The following KCND2 variants were observed in gnomAD, a reference collection of about 807,000 sequenced individuals.
KCND2 encodes the protein potassium voltage-gated channel subfamily D member 2.
In KCND2, 16 loss-of-function variants were observed where a neutral mutation model predicts 54.4. That is an observed-to-expected ratio of 0.29 (90% CI 0.20 to 0.45). KCND2 has a LOEUF of 0.45. KCND2 is among the 20% of genes least tolerant of loss of function. The probability of loss-of-function intolerance (pLI) is 1.00; values close to 1 mark genes in which losing one functional copy is unlikely to be tolerated. For missense variants in KCND2, 486 were observed against 824.2 expected, an observed-to-expected ratio of 0.59 and a Z score of 5.02; for synonymous variants, 317 against 310.7, an observed-to-expected ratio of 1.02 and a Z score of -0.21.
At chr7:120,441,286 G>A (rs956460491) in intron 1 of KCND2, among the ~76,000 whole-genome samples, 1 of 152,018 alleles carries the variant, frequency 6.6e-6, no homozygotes, top group African/African-American at 2.4e-5. Context: ...AGTAAAACAA[G>A]CCTATAGGTT....
Position 120,274,829 on chromosome 7 carries a change from T to C in KCND2, c.197T>C (p.Leu66Pro). The C allele has an allele frequency of 6.2e-7, 1 of 1,614,142 alleles. No homozygotes were observed. Among genetic ancestry groups the C allele is most frequent in the Non-Finnish European group, 8.5e-7 (1 of 1,180,012 alleles). Residue 66 changes from leucine to proline, a missense_variant, in exon 1 of 6, where the codon CTA becomes CCA. This residue lies in a region of KCND2 where 231 missense variants were observed against 386.0 expected (regional missense o/e 0.60). Transcript: ENST00000331113. ...ACCCTGGAACGTTACCCAGACACTC[T>C]ACTGGGCAGTTCTGAGAGGGACTTT... ...QDTLERYPDT[L>P]LGSSERDFFY...
At chr7:120,378,499 T>G (rs909815921) in intron 1 of KCND2, among the ~76,000 whole-genome samples, 7 of 152,002 alleles carry the variant, frequency 4.6e-5, no homozygotes, top group African/African-American at 1.4e-4. Flanking sequence ...GTGGCCGCTG[T>G]ATTTTCCCCA....
intron 1 of KCND2, among the ~76,000 whole-genome samples, chr7:120,339,596 A>G (rs982863715): frequency 2.0e-5 from 3 of 151,882 alleles, no homozygotes; most frequent in Admixed American, 1.3e-4. Context: ...ATGCTTCACT[A>G]TTTTATATAG....
intron 1 of KCND2, among the ~76,000 whole-genome samples, chr7:120,469,746 A>G (rs1802427306): frequency 1.3e-5 from 2 of 152,132 alleles, no homozygotes; most frequent in South Asian, 2.1e-4. Flanking sequence ...TGTTAGACCA[A>G]TTGTGAGTGT....
chr7:120,653,472 T>G (rs1292996640), intron 1 of KCND2, among the ~76,000 whole-genome samples: 1 of 152,188 alleles, frequency 6.6e-6, no homozygotes, highest in African/African-American at 2.4e-5. Flanking sequence ...GGATTGGACC[T>G]GAGAGATGGC....
intron 1 of KCND2, among the ~76,000 whole-genome samples, chr7:120,686,009 C>A (rs1792196498): frequency 6.6e-6 from 1 of 152,126 alleles, no homozygotes; most frequent in Admixed American, 6.6e-5. Context: ...CACATGCCTA[C>A]ACTAAACAGA....
Position 120,747,871 on chromosome 7 carries a change from A to T in KCND2, c.*13A>T. The T allele has an allele frequency of 6.3e-7, 1 of 1,599,240 alleles. No homozygotes were observed. The highest frequency in any genetic ancestry group is 1.7e-4 in the Middle Eastern group (1 of 6,028). ...TTCTGCTTTGTAAGACAATTGGAAT[A>T]AGGTCTAAGAGAATTCGAGCCCTGG... On this transcript the variant is annotated 3_prime_UTR_variant, in exon 6 of 6. Transcript: ENST00000331113.
chr7:120,477,009 G>A (rs1802543089), intron 1 of KCND2, among the ~76,000 whole-genome samples: 1 of 152,142 alleles, frequency 6.6e-6, no homozygotes, highest in African/African-American at 2.4e-5. Flanking sequence ...TAGTTGGATT[G>A]TTCTGCAACA....
intron 1 of KCND2, among the ~76,000 whole-genome samples, chr7:120,633,337 G>A (rs1388634918): frequency 6.6e-6 from 1 of 152,042 alleles, no homozygotes; most frequent in Non-Finnish European, 1.5e-5. Flanking sequence ...CTTTACCAAT[G>A]GAGAGAAAAA....
intron 1 of KCND2, among the ~76,000 whole-genome samples, chr7:120,435,711 T>C (rs988257157): frequency 6.6e-6 from 1 of 151,320 alleles, no homozygotes; most frequent in Non-Finnish European, 1.5e-5. Flanking sequence ...CCATAATATC[T>C]TCTGGCATGT....
intron 1 of KCND2, among the ~76,000 whole-genome samples, chr7:120,391,802 G>A (rs1377065605): frequency 6.6e-6 from 1 of 152,038 alleles, no homozygotes; most frequent in East Asian, 1.9e-4. Context: ...GTTTTTTGCA[G>A]ATTCTGGATA....
chr7:120,434,990 T>A (rs1400340879), intron 1 of KCND2, among the ~76,000 whole-genome samples: 1 of 152,134 alleles, frequency 6.6e-6, no homozygotes, highest in Non-Finnish European at 1.5e-5. Flanking sequence ...AATGGTATAT[T>A]TTCATGGTAG....
intron 4 of KCND2, among the ~76,000 whole-genome samples, chr7:120,745,241 G>C (rs1354170653): frequency 6.6e-6 from 1 of 152,154 alleles, no homozygotes; most frequent in African/African-American, 2.4e-5. Context: ...GGCATTTTTA[G>C]AGGAACATAT....
intron 1 of KCND2, among the ~76,000 whole-genome samples, chr7:120,725,083 C>T (rs1792716470): frequency 6.6e-6 from 1 of 151,958 alleles, no homozygotes; most frequent in Non-Finnish European, 1.5e-5. Flanking sequence ...AAATAGGAAA[C>T]AGGAAAGAAT....
chr7:120,290,773 T>G (rs1210211484), intron 1 of KCND2, among the ~76,000 whole-genome samples: 2 of 152,122 alleles, frequency 1.3e-5, no homozygotes, highest in East Asian at 3.9e-4. Flanking sequence ...CCAACTTTAT[T>G]AAAATTTGGA....
At chr7:120,578,921 C>CACACACAG (rs1449053440) in intron 1 of KCND2, among the ~76,000 whole-genome samples, 3 of 151,240 alleles carry the variant, frequency 2.0e-5, no homozygotes, top group African/African-American at 7.3e-5. Flanking sequence ...CTGTCTCACA[C>CACACACAG]ACACACACAC....
At position 120,731,794 on chromosome 7, in the gene KCND2, A is replaced by G. The variant is rs545124355; in HGVS notation, c.1116-1109A>G. Among the ~76,000 whole-genome samples, 10 of 152,322 alleles carry G rather than the reference A, an allele frequency of 6.6e-5. No homozygotes were observed. In the South Asian group the frequency reaches 2.1e-3, roughly 32 times the overall value. On this transcript the variant is annotated intron_variant, in intron 1 of 5. Coordinates refer to ENST00000331113, the MANE Select transcript of KCND2 (RefSeq NM_012281.3). ...GGGATACAATTTGGTTTGCACAGAG[A>G]CAACAAGACCAGCTAAGAGATGAAA...
chr7:120,538,022 A>G (rs552020953), intron 1 of KCND2, among the ~76,000 whole-genome samples: 1 of 152,304 alleles, frequency 6.6e-6, no homozygotes, highest in East Asian at 1.9e-4. Flanking sequence ...CAAGAGGCCT[A>G]GGTTTTGGCC....
At chr7:120,457,988 T>G (rs931742462) in intron 1 of KCND2, among the ~76,000 whole-genome samples, 1 of 152,144 alleles carries the variant, frequency 6.6e-6, no homozygotes, top group Non-Finnish European at 1.5e-5. Flanking sequence ...AAACACTTCC[T>G]TATTGATATG....
Sources: allele counts gnomAD v4.1 joint callset (sites outside exome capture counted in the v4.1 genomes callset), GRCh38; gene constraint gnomAD v4.1.1; regional missense constraint gnomAD v4.1.1; transcripts MANE v1.5; gene names NCBI Gene and HGNC (gene_info 2026-07-23, HGNC 2026-07-21).